SLC9A8: variants seen among roughly 807,000 people sequenced by gnomAD.
SLC9A8 encodes the protein sodium/hydrogen exchanger 8.
A neutral mutation model predicts 66.6 loss-of-function variants in SLC9A8; 48 were observed. The ratio of observed to expected loss-of-function variants is 0.72; its 90% CI spans 0.57 to 0.92. SLC9A8 has a LOEUF of 0.92. SLC9A8 is among the 40% of genes least tolerant of loss of function. The pLI is 0.00. For missense variants in SLC9A8, 599 were observed against 747.3 expected, an observed-to-expected ratio of 0.80 and a Z score of 2.31; for synonymous variants, 274 against 282.6, an observed-to-expected ratio of 0.97 and a Z score of 0.31.
intron 3 of SLC9A8, among the ~76,000 whole-genome samples, chr20:49,831,396 A>G (rs536910398): frequency 2.9e-4 from 43 of 146,300 alleles, no homozygotes; most frequent in African/African-American, 1.1e-3. Flanking sequence ...ACACAAACAC[A>G]CACACACTCT....
At chr20:49,838,694 G>A (rs1354581175) in intron 3 of SLC9A8, among the ~76,000 whole-genome samples, 2 of 152,128 alleles carry the variant, frequency 1.3e-5, no homozygotes, top group Non-Finnish European at 2.9e-5. Context: ...CTTCCTCCAT[G>A]GGAAAGTGAA....
intron 4 of SLC9A8, among the ~76,000 whole-genome samples, chr20:49,843,390 A>T (rs551621572): frequency 3.3e-5 from 5 of 152,002 alleles, no homozygotes; most frequent in Non-Finnish European, 7.4e-5. Flanking sequence ...AGAAGTCATC[A>T]TTTGCTTCTA....
intron 6 of SLC9A8, among the ~76,000 whole-genome samples, chr20:49,850,455 G>T (rs117209083): frequency 0.02 from 3,050 of 152,292 alleles, 51 homozygotes; most frequent in Non-Finnish European, 0.031. Flanking sequence ...AATAGCCAAA[G>T]CCCATTCCAT....
At chr20:49,852,084 G>T (rs56230511) in intron 7 of SLC9A8, among the ~76,000 whole-genome samples, 1 of 152,098 alleles carries the variant, frequency 6.6e-6, no homozygotes, top group Non-Finnish European at 1.5e-5. Flanking sequence ...AGAAAGTGAC[G>T]ATCCCTCAGA....
intron 8 of SLC9A8, among the ~76,000 whole-genome samples, chr20:49,862,246 C>G (rs1194121193): frequency 6.6e-6 from 1 of 152,010 alleles, no homozygotes; most frequent in African/African-American, 2.4e-5. Context: ...AAATCTAAAC[C>G]CAGCCCCCGG....
intron 2 of SLC9A8, 73 bp from the exon 3 acceptor site, chr20:49,822,988 G>T: frequency 1.6e-6 from 2 of 1,248,492 alleles, no homozygotes; most frequent in South Asian, 2.4e-5. Flanking sequence ...AATAACCACT[G>T]ACTTGAACTT....
chr20:49,848,258 T>A (rs599195), intron 5 of SLC9A8, among the ~76,000 whole-genome samples: 47,847 of 151,976 alleles, frequency 0.31, 9,239 homozygotes, highest in South Asian at 0.57. Flanking sequence ...AAAACAGCGA[T>A]TTGCAAAGAG....
At chr20:49,844,080 A>T (rs1217155601) in intron 4 of SLC9A8, among the ~76,000 whole-genome samples, 2 of 152,192 alleles carry the variant, frequency 1.3e-5, no homozygotes, top group African/African-American at 4.8e-5. Flanking sequence ...GGACAGCAGA[A>T]TCATGAGCCA....
rs916779744 is a variant in SLC9A8, at chr20:49,889,199, A to G, written c.*1263A>G. 16 of 152,242 alleles carry G rather than the reference A, an allele frequency of 1.1e-4. No homozygotes were observed. Among genetic ancestry groups the G allele is most frequent in the African/African-American group, 3.6e-4 (15 of 41,442 alleles). The allele number at this position is 152,242 out of a possible 1,614,324, so 9.4% of individuals were successfully genotyped here. On this transcript the variant is annotated 3_prime_UTR_variant, in exon 16 of 16. Coordinates refer to ENST00000361573, the MANE Select transcript of SLC9A8 (RefSeq NM_015266.3). The stretch of plus-strand genomic sequence containing the variant: ...GAGCCTCAAACTGCTCAGCTCATCA[A>G]AGAGCCATTGCCAACTTCCGTATGT...
At chr20:49,882,996 A>G (rs1401968921) in intron 13 of SLC9A8, among the ~76,000 whole-genome samples, 1 of 142,638 alleles carries the variant, frequency 7.0e-6, no homozygotes, top group African/African-American at 2.6e-5. Context: ...TGTCTGCACC[A>G]TGCCCCCCCC....
intron 8 of SLC9A8, 88 bp downstream of exon 8, chr20:49,855,669 G>A: frequency 3.2e-6 from 4 of 1,266,766 alleles, no homozygotes; most frequent in East Asian, 2.5e-5. Flanking sequence ...CACACAGCAT[G>A]TGTACAGTTG....
chr20:49,868,302 G>A (rs2089059132), intron 10 of SLC9A8, among the ~76,000 whole-genome samples: 2 of 152,332 alleles, frequency 1.3e-5, no homozygotes, highest in African/African-American at 2.4e-5. Flanking sequence ...ACACAGCAGT[G>A]CAAGCCAGGA....
At chr20:49,865,838 G>A (rs1203730986) in intron 10 of SLC9A8, among the ~76,000 whole-genome samples, 1 of 152,218 alleles carries the variant, frequency 6.6e-6, no homozygotes, top group African/African-American at 2.4e-5. Flanking sequence ...GCTCTGCCCT[G>A]GAAGTCTGAT....
rs2089966107 is a variant in SLC9A8 at position 49,888,301 on chromosome 20, A to G, written c.*365A>G. ...CCCTGCCTAGAGGAGCACCATCTAC[A>G]GTTGTGCCATTCCCCAGCCACTGCC... is the stretch of plus-strand genomic sequence containing the variant. On this transcript the variant is annotated 3_prime_UTR_variant, in exon 16 of 16. Coordinates refer to ENST00000361573, the MANE Select transcript of SLC9A8 (RefSeq NM_015266.3). 1 of 211,186 alleles carries G rather than the reference A, an allele frequency of 4.7e-6. No homozygotes were observed. The highest frequency in any genetic ancestry group is 2.4e-5 in the African/African-American group (1 of 42,116). The allele number at this position is 211,186 out of a possible 1,614,324, so 13.1% of individuals were successfully genotyped here. A position where few individuals can be genotyped will look rare whatever the true frequency, so the allele number is the denominator to read the frequency against.
intron 3 of SLC9A8, among the ~76,000 whole-genome samples, chr20:49,833,772 A>G (rs1024802570): frequency 2.0e-5 from 3 of 152,174 alleles, no homozygotes; most frequent in African/African-American, 7.2e-5. Flanking sequence ...GAAAGTGACA[A>G]ATCCTGAAAG....
At chr20:49,879,654 G>A (rs1248706831) in intron 12 of SLC9A8, among the ~76,000 whole-genome samples, 3 of 151,122 alleles carry the variant, frequency 2.0e-5, no homozygotes, top group Non-Finnish European at 4.4e-5. Flanking sequence ...GCGAAACCCC[G>A]TCTCTACTAA....
intron 3 of SLC9A8, 55 bp downstream of exon 3, chr20:49,823,196 T>G (rs991711948): frequency 1.0e-5 from 14 of 1,352,216 alleles, no homozygotes; most frequent in Non-Finnish European, 1.4e-5. Flanking sequence ...CTACCATTTT[T>G]TGAGTGCCTC....
chr20:49,850,693 C>A, intron 6 of SLC9A8, 117 bp from the exon 7 acceptor site: 1 of 1,323,650 alleles, frequency 7.6e-7, no homozygotes. Context: ...GGTTTGGGAA[C>A]TGAAGATTAA....
At chr20:49,830,678 C>T (rs555122789) in intron 3 of SLC9A8, 257 of 660,226 alleles carry the variant, frequency 3.9e-4, no homozygotes, top group Non-Finnish European at 6.0e-4. Context: ...GCAGCTGCTT[C>T]CAGGCGATAG....
Sources: allele counts gnomAD v4.1 joint callset (sites outside exome capture counted in the v4.1 genomes callset), GRCh38; gene constraint gnomAD v4.1.1; transcripts MANE v1.5; gene names NCBI Gene and HGNC (gene_info 2026-07-23, HGNC 2026-07-21).